Variants in ZNF274 observed in about 807,000 individuals in gnomAD.
ZNF274 encodes the protein zinc finger protein 274.
In ZNF274, 23 loss-of-function variants were observed where a neutral mutation model predicts 42.5. The observed-to-expected ratio is 0.54, with a 90% CI of 0.39 to 0.77. The LOEUF (loss-of-function observed/expected upper bound fraction) is 0.77. ZNF274 is among the 30% of genes least tolerant of loss of function. The probability of loss-of-function intolerance (pLI) is 0.00; values close to 1 mark genes in which losing one functional copy is unlikely to be tolerated. For synonymous variants in ZNF274, 292 were observed against 305.4 expected (o/e 0.96, Z 0.46); for missense variants, 679 against 806.5 (o/e 0.84, Z 1.91).
intron 4 of ZNF274, among the ~76,000 whole-genome samples, chr19:58,195,558 A>G (rs1246042115): frequency 6.6e-6 from 1 of 152,186 alleles, no homozygotes; most frequent in Non-Finnish European, 1.5e-5. Context: ...CATCTCATTA[A>G]TGGACAGAAC....
At position 58,208,174 on chromosome 19, in the gene ZNF274, CAGA is replaced by C; in HGVS notation, c.739+976_739+978del. The C allele has an allele frequency of 6.6e-6, 1 of 152,256 alleles. No individual in the cohort carries two copies. Among genetic ancestry groups the C allele is most frequent in the East Asian group, 1.9e-4 (1 of 5,202 alleles). 9.4% of individuals were successfully genotyped at this position (152,256 alleles called of 1,614,324 possible). A position where few individuals can be genotyped will look rare whatever the true frequency, so the allele number is the denominator to read the frequency against. On this transcript the variant is annotated intron_variant, in intron 5 of 7. Coordinates refer to ENST00000617501, the MANE Select transcript of ZNF274 (RefSeq NM_133502.3). This position sits in a 1 kb window ranked among gnomAD's most constrained non-coding sequence, Gnocchi z 4.5. ...CCATTTTCCACATTTCACGGGTGCC[CAGA>C]AGATGTTTCTGATGTGAACGAATGA...
intron 4 of ZNF274, among the ~76,000 whole-genome samples, chr19:58,205,845 T>C (rs904718104): frequency 7.9e-5 from 12 of 152,252 alleles, no homozygotes; most frequent in Non-Finnish European, 1.6e-4. Flanking sequence ...TTCTTTTTCC[T>C]GTGACCATGC....
intron 4 of ZNF274, 53 bp from the exon 5 acceptor site, chr19:58,206,667 G>C (rs926233959): frequency 6.7e-7 from 1 of 1,494,768 alleles, no homozygotes; most frequent in Non-Finnish European, 8.9e-7. Flanking sequence ...ATGGCGTTGA[G>C]CATCTTTTCA....
chr19:58,194,661 G>A (rs150368947), intron 4 of ZNF274, among the ~76,000 whole-genome samples: 2,253 of 152,022 alleles, frequency 0.015, 41 homozygotes, highest in African/African-American at 0.052. Context: ...GATTACAGGT[G>A]TGAGCCACCA....
In ZNF274 at chr19:58,208,719, G is replaced by C. The variant is rs1476626632; in HGVS notation, c.740-1242G>C. On this transcript the variant is annotated intron_variant, in intron 5 of 7. Coordinates refer to ENST00000617501, the MANE Select transcript of ZNF274 (RefSeq NM_133502.3). This position sits in a 1 kb window ranked among gnomAD's most constrained non-coding sequence, Gnocchi z 4.5. ...TTTTAGCCCAGTGAGGCACAAACCA[G>C]ACTTCTCATCTCCAGAACCATAAGG... is the stretch of plus-strand genomic sequence containing the variant. 6.6e-6 allele frequency: 1 copy of C among 152,248 alleles called. No individual in the cohort carries two copies. The highest frequency in any genetic ancestry group is 1.5e-5 in the Non-Finnish European group (1 of 68,058). 9.4% of individuals were successfully genotyped at this position (152,248 alleles called of 1,614,324 possible).
intron 4 of ZNF274, among the ~76,000 whole-genome samples, chr19:58,197,244 A>G (rs1038478596): frequency 2.0e-5 from 3 of 152,216 alleles, no homozygotes; most frequent in African/African-American, 4.8e-5. Context: ...CATTGTTTTC[A>G]GCATCAGAGG....
chr19:58,202,916 A>G (rs1408754657), intron 4 of ZNF274, among the ~76,000 whole-genome samples: 20 of 152,280 alleles, frequency 1.3e-4, no homozygotes, highest in Admixed American at 1.3e-3. Context: ...ATAACTGTGT[A>G]CAGAACAGAG....
In ZNF274 at chr19:58,185,963, A is replaced by G. The variant is rs989081097; in HGVS notation, c.160+125A>G. The G allele has an allele frequency of 2.3e-5, 19 of 824,832 alleles. No homozygotes were observed. In the African/African-American group the frequency reaches 3.3e-4, roughly 15 times the overall value. 51.1% of individuals were successfully genotyped at this position (824,832 alleles called of 1,614,324 possible). On this transcript the variant is annotated intron_variant, in intron 3 of 7. Coordinates refer to ENST00000617501, the MANE Select transcript of ZNF274 (RefSeq NM_133502.3). ...AGTAGGAAAAGGGCAGCTTTTCAGTATGACTTCTGAATCATTGCCTAGTCC... is the reference window on the plus strand; with the variant it reads ...AGTAGGAAAAGGGCAGCTTTTCAGTGTGACTTCTGAATCATTGCCTAGTCC...
At position 58,183,073 on chromosome 19, in the gene ZNF274, C is replaced by G. The variant is rs1431495309; in HGVS notation, c.-415C>G. 1 of 152,510 alleles carries G rather than the reference C, an allele frequency of 6.6e-6. No individual in the cohort carries two copies. Among genetic ancestry groups the G allele is most frequent in the African/African-American group, 2.4e-5 (1 of 41,418 alleles). The allele number at this position is 152,510 out of a possible 1,614,324, so 9.4% of individuals were successfully genotyped here. A position where few individuals can be genotyped will look rare whatever the true frequency, so the allele number is the denominator to read the frequency against. ...CCAAGCATCACCCATTCCAGCACTT[C>G]CGGCCTGACCCCTGTCCAGCGCCTT... is the stretch of plus-strand genomic sequence containing the variant. On this transcript the variant is annotated 5_prime_UTR_variant, in exon 1 of 8. Transcript: ENST00000617501.
chr19:58,185,466 A>G, intron 2 of ZNF274: 1 of 197,382 alleles, frequency 5.1e-6, no homozygotes, highest in Non-Finnish European at 1.0e-5. Flanking sequence ...AATAAATAAA[A>G]TGGACAGATT....
chr19:58,196,605 A>G (rs564683996), intron 4 of ZNF274, among the ~76,000 whole-genome samples: 1 of 152,314 alleles, frequency 6.6e-6, no homozygotes, highest in South Asian at 2.1e-4. Context: ...TAGACCAAAC[A>G]TGAGTCTGAA....
At position 58,212,396 on chromosome 19, in the gene ZNF274, C is replaced by T; in HGVS notation, c.1215C>T (p.Ser405=). 6.2e-7 allele frequency: 1 copy of T among 1,613,046 alleles called. No individual in the cohort carries two copies. The highest frequency in any genetic ancestry group is 8.5e-7 in the Non-Finnish European group (1 of 1,179,466). The change falls in exon 8 of 8, where the codon TCC becomes TCT. Residue 405 remains serine (S), a synonymous_variant. Transcript: ENST00000617501. The surrounding 1 kb of genome is among the most constrained non-coding windows in gnomAD (Gnocchi z 4.6). Reference sequence around the variant, plus strand: ...AGAAGCACTTTGACAACCGTGAGTCCCAGGCAAACAGTGGTGCTCTTGACA... The same window carrying T: ...AGAAGCACTTTGACAACCGTGAGTCTCAGGCAAACAGTGGTGCTCTTGACA... ...PQKKHFDNRE[S]QANSGALDTN...
In ZNF274 at chr19:58,210,093, C is replaced by G. The variant is rs764551269; in HGVS notation, c.852+20C>G. On this transcript the variant is annotated intron_variant, in intron 6 of 7. Transcript: ENST00000617501. ...CCTGAGGTAAGCGGGGAGTATCACC[C>G]TGTTTTGGTCACAGCATCTCCTGTG... 2.9e-5 allele frequency: 46 copies of G among 1,605,388 alleles called. No individual in the cohort carries two copies. In the South Asian group the frequency reaches 4.2e-4, roughly 15 times the overall value.
At position 58,207,153 on chromosome 19, in the gene ZNF274, A is replaced by T. The variant is rs1182331899; in HGVS notation, c.690A>T (p.Gln230His). ...AATCGCAGCACCCAGAGAACTGCCA[A>T]GAGGTGGTGGCCCTGGTAGAGGGTG... ...WVESQHPENCQEVVALVEGVT... is the reference protein window; with the variant it reads ...WVESQHPENCHEVVALVEGVT... Residue 230 changes from glutamine to histidine, a missense_variant, in exon 5 of 8, where the codon CAA becomes CAT. This residue lies in a region of ZNF274 where 456 missense variants were observed against 590.1 expected (regional missense o/e 0.77). Coordinates refer to ENST00000617501, the MANE Select transcript of ZNF274 (RefSeq NM_133502.3). The surrounding 1 kb of genome is among the most constrained non-coding windows in gnomAD (Gnocchi z 5.6). 6.2e-7 allele frequency: 1 copy of T among 1,613,382 alleles called. No homozygotes were observed. The highest frequency in any genetic ancestry group is 1.3e-5 in the African/African-American group (1 of 75,044).
rs188402045 is a variant in ZNF274, at chr19:58,192,638, T to C, written c.256+5596T>C. Among the ~76,000 whole-genome samples the C allele has an allele frequency of 1.6e-3, 240 of 152,330 alleles. 1 individual carries two copies. The highest frequency in any genetic ancestry group is 5.2e-3 in the African/African-American group (215 of 41,576). The stretch of plus-strand genomic sequence containing the variant: ...GCTGAAGTCATCTCTAGATTACTTA[T>C]AATACCGAATATGATGTAAATGCTG... On this transcript the variant is annotated intron_variant, in intron 4 of 7. Coordinates refer to ENST00000617501, the MANE Select transcript of ZNF274 (RefSeq NM_133502.3).
chr19:58,190,826 C>G (rs1485780763), intron 4 of ZNF274, among the ~76,000 whole-genome samples: 1 of 152,172 alleles, frequency 6.6e-6, no homozygotes, highest in African/African-American at 2.4e-5. Context: ...CTGCCCACTT[C>G]TGGCAGTATT....
intron 4 of ZNF274, among the ~76,000 whole-genome samples, chr19:58,190,152 T>C (rs1455325383): frequency 2.3e-5 from 2 of 85,318 alleles, no homozygotes; most frequent in East Asian, 2.2e-4. Flanking sequence ...TATCTCTCTC[T>C]TTTTTTTTTT....
chr19:58,200,679 C>T (rs1247833657), intron 4 of ZNF274, among the ~76,000 whole-genome samples: 2 of 152,046 alleles, frequency 1.3e-5, no homozygotes, highest in African/African-American at 4.8e-5. Flanking sequence ...AGGCCATATT[C>T]TAGGAAAACT....
chr19:58,190,301 C>G (rs2075765195), intron 4 of ZNF274, among the ~76,000 whole-genome samples: 2 of 151,950 alleles, frequency 1.3e-5, no homozygotes, highest in South Asian at 4.2e-4. Context: ...GCATGTGCCA[C>G]TATGCCCGGC....
Sources: gnomAD v4.1 joint callset for allele counts (sites outside exome capture counted in the v4.1 genomes callset) on GRCh38, gnomAD v4.1.1 for gene constraint, gnomAD v4.1.1 regional missense constraint, Gnocchi (gnomAD v3.1) non-coding constraint, MANE v1.5 for transcripts, NCBI Gene and HGNC (gene_info 2026-07-23, HGNC 2026-07-21) for gene names.